The following FMN1 variants were observed in gnomAD, a reference collection of about 807,000 sequenced individuals.
The protein encoded by FMN1 is formin-1.
A neutral mutation model predicts 132.4 loss-of-function variants in FMN1; 110 were observed. The ratio of observed to expected loss-of-function variants is 0.83; its 90% confidence interval spans 0.71 to 0.97. The LOEUF (loss-of-function observed/expected upper bound fraction) is 0.97. FMN1 is among the 50% of genes least tolerant of loss of function. The pLI, the probability that FMN1 is intolerant of heterozygous loss-of-function variation, is 0.00. For missense variants in FMN1, 1,792 were observed against 1,705.3 expected (o/e 1.05, Z -0.90); for synonymous variants, 722 against 651.7 (o/e 1.11, Z -1.64).
intron 6 of FMN1, among the ~76,000 whole-genome samples, chr15:33,008,993 C>G (rs748142299): frequency 6.6e-6 from 1 of 152,144 alleles, no homozygotes; most frequent in Non-Finnish European, 1.5e-5. Flanking sequence ...TTTCCTAAAT[C>G]AGGCATGAAA....
At chr15:32,866,780 A>T (rs549923853) in intron 16 of FMN1, among the ~76,000 whole-genome samples, 1 of 152,242 alleles carries the variant, frequency 6.6e-6, no homozygotes, top group African/African-American at 2.4e-5. Context: ...CTCATTTTGT[A>T]TCTCCTTCGC....
chr15:33,075,550 C>T (rs1423118509), intron 5 of FMN1, among the ~76,000 whole-genome samples: 1 of 152,152 alleles, frequency 6.6e-6, no homozygotes, highest in Non-Finnish European at 1.5e-5. Context: ...CCATCTGTGT[C>T]ACTTGAGAAG....
intron 7 of FMN1, among the ~76,000 whole-genome samples, chr15:32,987,351 A>T (rs990435215): frequency 2.0e-5 from 3 of 152,180 alleles, no homozygotes; most frequent in African/African-American, 7.2e-5. Flanking sequence ...CCCTTTATGA[A>T]AAAATGAACT....
intron 17 of FMN1, among the ~76,000 whole-genome samples, chr15:32,848,986 T>G (rs796503676): frequency 3.2e-5 from 4 of 126,472 alleles, no homozygotes; most frequent in African/African-American, 1.1e-4. Context: ...TGTTTTTTTT[T>G]TTTTTTTTTT....
intron 5 of FMN1, among the ~76,000 whole-genome samples, chr15:33,076,620 C>T (rs1020737981): frequency 6.6e-6 from 1 of 152,122 alleles, no homozygotes; most frequent in Non-Finnish European, 1.5e-5. Context: ...TGCAGCCTCA[C>T]CCTCTCCATA....
At chr15:33,036,134 A>G (rs1199845509) in intron 6 of FMN1, among the ~76,000 whole-genome samples, 1 of 152,230 alleles carries the variant, frequency 6.6e-6, no homozygotes, top group Non-Finnish European at 1.5e-5. Context: ...AGAGTCAGGT[A>G]TCCTGTTATA....
intron 4 of FMN1, among the ~76,000 whole-genome samples, chr15:33,144,238 G>A (rs1964119854): frequency 6.6e-6 from 1 of 152,098 alleles, no homozygotes; most frequent in Non-Finnish European, 1.5e-5. Context: ...TAATTCAAAG[G>A]CTACCGAGTG....
chr15:32,841,263 T>A (rs1368562769), intron 17 of FMN1, among the ~76,000 whole-genome samples: 1 of 152,194 alleles, frequency 6.6e-6, no homozygotes, highest in Non-Finnish European at 1.5e-5. Flanking sequence ...CACAGTGTTT[T>A]AATCTCAGAG....
intron 4 of FMN1, among the ~76,000 whole-genome samples, chr15:33,125,505 G>A (rs758442179): frequency 6.6e-6 from 1 of 152,040 alleles, no homozygotes; most frequent in Non-Finnish European, 1.5e-5. Flanking sequence ...GTCTTCAAAT[G>A]AACCCTTCTC....
chr15:33,138,642 C>T (rs908657328), intron 4 of FMN1, among the ~76,000 whole-genome samples: 2 of 152,096 alleles, frequency 1.3e-5, no homozygotes, highest in Non-Finnish European at 2.9e-5. Flanking sequence ...AAACCAGGTA[C>T]ACAGCTTTGA....
chr15:33,009,880 G>GA (rs1426767665), intron 6 of FMN1, among the ~76,000 whole-genome samples: 12 of 151,964 alleles, frequency 7.9e-5, no homozygotes, highest in African/African-American at 2.7e-4. Context: ...CAACATGGAG[G>GA]AATCTTTTTT....
chr15:33,140,802 A>G (rs1341886166), intron 4 of FMN1, among the ~76,000 whole-genome samples: 1 of 152,252 alleles, frequency 6.6e-6, no homozygotes, highest in African/African-American at 2.4e-5. Context: ...GAAGGAAGCA[A>G]AAGGAAGGGG....
intron 7 of FMN1, among the ~76,000 whole-genome samples, chr15:32,988,066 T>TTTC: frequency 6.7e-6 from 1 of 150,006 alleles, no homozygotes; most frequent in African/African-American, 2.5e-5. Context: ...TTTTTTTTTT[T>TTTC]TTTTCTTTTT....
intron 19 of FMN1, among the ~76,000 whole-genome samples, chr15:32,777,384 GAA>G (rs1331504781): frequency 6.7e-6 from 1 of 149,058 alleles, no homozygotes; most frequent in East Asian, 2.0e-4. Context: ...TACGGAATGG[GAA>G]AATATAAATA....
At chr15:32,944,794 G>GCT (rs2061474092) in intron 9 of FMN1, among the ~76,000 whole-genome samples, 1 of 152,046 alleles carries the variant, frequency 6.6e-6, no homozygotes, top group African/African-American at 2.4e-5. Flanking sequence ...GTTGGAGGGG[G>GCT]GAGGGTAGGG....
chr15:33,176,157 G>A (rs1337039916), intron 3 of FMN1, among the ~76,000 whole-genome samples: 2 of 151,996 alleles, frequency 1.3e-5, no homozygotes, highest in Non-Finnish European at 2.9e-5. Flanking sequence ...GGTGGATCAA[G>A]AGGTCAGGAG....
chr15:32,774,103 A>C lies in FMN1; in HGVS notation c.*207T>G, dbSNP rs2056336488. 1 of 574,570 alleles carries C rather than the reference A, an allele frequency of 1.7e-6. No homozygotes were observed. The allele number at this position is 574,570 out of a possible 1,614,324, so 35.6% of individuals were successfully genotyped here. Reference sequence around the variant, plus strand: ...TCAAATATTTCTGCAATGTTCCCTTAAATAGTTTTCCATTGTTCCTGCGGC... The same window carrying C: ...TCAAATATTTCTGCAATGTTCCCTTCAATAGTTTTCCATTGTTCCTGCGGC... On this transcript the variant is annotated 3_prime_UTR_variant, in exon 21 of 21. Transcript: ENST00000616417.
chr15:33,010,597 T>C (rs1025619266), intron 6 of FMN1, among the ~76,000 whole-genome samples: 4 of 151,978 alleles, frequency 2.6e-5, no homozygotes, highest in African/African-American at 9.7e-5. Flanking sequence ...ATGTAATGGA[T>C]GAGAAAAAAG....
chr15:33,068,971 T>A, intron 5 of FMN1, among the ~76,000 whole-genome samples: 1 of 152,182 alleles, frequency 6.6e-6, no homozygotes, highest in East Asian at 1.9e-4. Flanking sequence ...CCTCTCCCCC[T>A]TTGGTGTCCC....
Sources: gnomAD v4.1 joint callset for allele counts (sites outside exome capture counted in the v4.1 genomes callset) on GRCh38, gnomAD v4.1.1 for gene constraint, MANE v1.5 for transcripts, NCBI Gene and HGNC (gene_info 2026-07-23, HGNC 2026-07-21) for gene names.